Variants in GRM4 observed in about 807,000 individuals in gnomAD.
The protein encoded by GRM4 is metabotropic glutamate receptor 4.
Under a neutral mutation model 81.7 loss-of-function variants are expected in GRM4, and 28 were observed. The ratio of observed to expected loss-of-function variants is 0.34; its 90% CI spans 0.25 to 0.47. GRM4 has a LOEUF of 0.47. Ranked by LOEUF, GRM4 falls within the 20% of genes least tolerant of loss-of-function variation. The probability of loss-of-function intolerance (pLI) is 1.00; values close to 1 mark genes in which losing one functional copy is unlikely to be tolerated. For synonymous variants in GRM4, 488 were observed against 528.8 expected (o/e 0.92, Z 1.06); for missense variants, 948 against 1,290.0 (o/e 0.73, Z 4.06).
intron 3 of GRM4, among the ~76,000 whole-genome samples, chr6:34,065,531 C>T (rs1019371161): frequency 7.2e-5 from 11 of 152,194 alleles, no homozygotes; most frequent in African/African-American, 2.4e-4. Flanking sequence ...GGGAGGGGGA[C>T]ACACATGAAG....
intron 2 of GRM4, among the ~76,000 whole-genome samples, chr6:34,131,573 A>C (rs534493997): frequency 6.6e-6 from 1 of 151,848 alleles, no homozygotes; most frequent in Admixed American, 6.5e-5. Context: ...TGACAGCACA[A>C]CTCTGGCCTC....
chr6:34,144,688 A>G (rs1770849219), intron 1 of GRM4, among the ~76,000 whole-genome samples: 1 of 151,802 alleles, frequency 6.6e-6, no homozygotes, highest in African/African-American at 2.4e-5. Flanking sequence ...AAGAGGTGCA[A>G]ATAATGCCCC....
chr6:34,139,253 C>G (rs922930357), intron 1 of GRM4, among the ~76,000 whole-genome samples: 3 of 152,210 alleles, frequency 2.0e-5, no homozygotes, highest in Non-Finnish European at 4.4e-5. Flanking sequence ...TCTGCCAAAA[C>G]AACAGGGCCC....
chr6:34,106,656 T>A (rs1769141755), intron 2 of GRM4, among the ~76,000 whole-genome samples: 1 of 151,968 alleles, frequency 6.6e-6, no homozygotes, highest in Admixed American at 6.6e-5. Context: ...CACACACCAC[T>A]CCCTGCAACA....
rs527996820 is a variant in GRM4 at position 34,144,410 on chromosome 6, C to A, written c.-364+1590G>T. Among the ~76,000 whole-genome samples the A allele has an allele frequency of 8.5e-5, 13 of 152,340 alleles. No homozygotes were observed. In the South Asian group the frequency reaches 2.7e-3, roughly 32 times the overall value. On this transcript the variant is annotated intron_variant, in intron 1 of 10. Transcript: ENST00000538487. ...GACCACTGCCGGTCCGCTCGCCCGG[C>A]GGCCGCGTAGACGCGCAGGTTCATC... is the stretch of plus-strand genomic sequence containing the variant.
chr6:34,077,037 T>C (rs1581662950), intron 3 of GRM4, among the ~76,000 whole-genome samples: 1 of 149,552 alleles, frequency 6.7e-6, no homozygotes, highest in Non-Finnish European at 1.5e-5. Context: ...GGGGGAGGGG[T>C]GGGTAGCCTC....
At position 34,064,592 on chromosome 6, in the gene GRM4, G is replaced by A. The variant is rs1371521495; in HGVS notation, c.737-2564C>T. 6.6e-6 allele frequency among the ~76,000 whole-genome samples: 1 copy of A among 152,200 alleles called. No individual in the cohort carries two copies. Among genetic ancestry groups the A allele is most frequent in the Non-Finnish European group, 1.5e-5 (1 of 68,010 alleles). On this transcript the variant is annotated intron_variant, in intron 3 of 10. Transcript: ENST00000538487. This position sits in a 1 kb window ranked among gnomAD's most constrained non-coding sequence, Gnocchi z 4.4. ...CCCCAGGATGAGAAACCAAGTGCCCGTGGGTTCCCTCTGTTTCACAGCCCT... is the reference window on the plus strand; with the variant it reads ...CCCCAGGATGAGAAACCAAGTGCCCATGGGTTCCCTCTGTTTCACAGCCCT...
rs373106187 is a variant in GRM4 at position 34,111,264 on chromosome 6, C to T, written c.520-19165G>A. 6.6e-6 allele frequency among the ~76,000 whole-genome samples: 1 copy of T among 151,886 alleles called. No individual in the cohort carries two copies. Among genetic ancestry groups the T allele is most frequent in the Non-Finnish European group, 1.5e-5 (1 of 67,946 alleles). On this transcript the variant is annotated intron_variant, in intron 2 of 10. Coordinates refer to ENST00000538487, the MANE Select transcript of GRM4 (RefSeq NM_000841.4). The surrounding 1 kb of genome is among the most constrained non-coding windows in gnomAD (Gnocchi z 5.1). ...TCCCTAGACACCCCCACCCCACACA[C>T]ATTCAAGAGCAGCAGCTCACACAGG...
At chr6:34,094,139 A>C (rs1340006008) in intron 2 of GRM4, among the ~76,000 whole-genome samples, 1 of 152,222 alleles carries the variant, frequency 6.6e-6, no homozygotes, top group African/African-American at 2.4e-5. Flanking sequence ...AACAACAGCA[A>C]TAAGGAGGCA....
intron 2 of GRM4, among the ~76,000 whole-genome samples, chr6:34,112,266 T>TC (rs1315544345): frequency 4.6e-5 from 7 of 152,208 alleles, no homozygotes; most frequent in African/African-American, 1.7e-4. Context: ...TTTCCTCCTC[T>TC]CCCCCGCCCC....
At chr6:34,139,924 G>T (rs76689430) in intron 1 of GRM4, among the ~76,000 whole-genome samples, 1 of 152,208 alleles carries the variant, frequency 6.6e-6, no homozygotes, top group Non-Finnish European at 1.5e-5. Context: ...CTGGGTGGGC[G>T]CTGGGGAAAC....
At chr6:34,071,529 A>T (rs1437927780) in intron 3 of GRM4, among the ~76,000 whole-genome samples, 2 of 60,422 alleles carry the variant, frequency 3.3e-5, no homozygotes, top group Non-Finnish European at 7.1e-5. Flanking sequence ...ACACATCACC[A>T]CACGGATACA....
rs1241581959 is a variant in GRM4 at position 34,092,234 on chromosome 6, C to T, written c.520-135G>A. ...ACCACAGCCCACCCCTCCCCATGGG[C>T]GATGCCTCCTCCTCCAGAAAGTCTC... On this transcript the variant is annotated intron_variant, in intron 2 of 10. Coordinates refer to ENST00000538487, the MANE Select transcript of GRM4 (RefSeq NM_000841.4). This position sits in a 1 kb window ranked among gnomAD's most constrained non-coding sequence, Gnocchi z 6.8. The T allele has an allele frequency of 4.8e-6, 3 of 620,132 alleles. No homozygotes were observed. Among genetic ancestry groups the T allele is most frequent in the East Asian group, 2.8e-5 (1 of 36,188 alleles). The allele number at this position is 620,132 out of a possible 1,614,324, so 38.4% of individuals were successfully genotyped here.
In GRM4 at chr6:34,133,860, C is replaced by A. The variant is rs886313508; in HGVS notation, c.-363-1G>T. 7.6e-6 allele frequency: 8 copies of A among 1,056,608 alleles called. No individual in the cohort carries two copies. The African/African-American group carries it at 1.2e-4, about 15-fold the overall frequency. The allele number at this position is 1,056,608 out of a possible 1,614,324, so 65.5% of individuals were successfully genotyped here. On this transcript the variant is annotated splice_acceptor_variant, in intron 1 of 10. Coordinates refer to ENST00000538487, the MANE Select transcript of GRM4 (RefSeq NM_000841.4). LOFTEE classifies it low-confidence loss of function (5UTR_SPLICE). This position sits in a 1 kb window ranked among gnomAD's most constrained non-coding sequence, Gnocchi z 6.5. ...GCTCCAATCCTCTCCTCCTACCAACCTTAGAAGGGGAAGAGAGAGAGAGAA... is the reference window on the plus strand; with the variant it reads ...GCTCCAATCCTCTCCTCCTACCAACATTAGAAGGGGAAGAGAGAGAGAGAA...
chr6:34,137,135 G>A (rs1770491708), intron 1 of GRM4, among the ~76,000 whole-genome samples: 1 of 152,220 alleles, frequency 6.6e-6, no homozygotes. Flanking sequence ...TTCCCCAGGT[G>A]AAATCATCGG....
intron 3 of GRM4, among the ~76,000 whole-genome samples, chr6:34,082,378 A>T (rs1767648672): frequency 6.6e-6 from 1 of 152,238 alleles, no homozygotes; most frequent in Admixed American, 6.5e-5. Context: ...AACAAGACAC[A>T]CAGGAAGCCA....
intron 3 of GRM4, chr6:34,091,661 C>T (rs1002285538): frequency 4.1e-5 from 24 of 584,636 alleles, no homozygotes; most frequent in Middle Eastern, 9.2e-4. Flanking sequence ...TGCACACCCA[C>T]GTCTGCAAAG....
rs1269551309 is a variant in GRM4, at chr6:34,152,969, A to T, written c.312+2110T>A. Among the ~76,000 whole-genome samples, 3 of 152,080 alleles carry T rather than the reference A, an allele frequency of 2.0e-5. No individual in the cohort carries two copies. Among genetic ancestry groups the T allele is most frequent in the East Asian group, 3.9e-4 (2 of 5,178 alleles). On this transcript the variant is annotated intron_variant, in intron 1 of 8. Transcript: ENST00000374177. The surrounding 1 kb of genome is among the most constrained non-coding windows in gnomAD (Gnocchi z 4.1). Reference sequence around the variant, plus strand: ...CCTTGCTGCATGCCAGGTGCTCATCAGAGTCTCCACAACAGCCCTGTGATG... The same window carrying T: ...CCTTGCTGCATGCCAGGTGCTCATCTGAGTCTCCACAACAGCCCTGTGATG...
chr6:34,048,962 C>T lies in GRM4; in HGVS notation c.1168+7582G>A, dbSNP rs569155853. Among the ~76,000 whole-genome samples, 2 of 152,112 alleles carry T rather than the reference C, an allele frequency of 1.3e-5. No individual in the cohort carries two copies. Among genetic ancestry groups the T allele is most frequent in the African/African-American group, 4.8e-5 (2 of 41,386 alleles). ...AGTCTAAGGTAGTTCTTTATAGCAGCGTGAGAACAACTAACACACTAGGTC... is the reference window on the plus strand; with the variant it reads ...AGTCTAAGGTAGTTCTTTATAGCAGTGTGAGAACAACTAACACACTAGGTC... On this transcript the variant is annotated intron_variant, in intron 6 of 10. Coordinates refer to ENST00000538487, the MANE Select transcript of GRM4 (RefSeq NM_000841.4). The surrounding 1 kb of genome is among the most constrained non-coding windows in gnomAD (Gnocchi z 4.0).
Sources: gnomAD v4.1 joint callset for allele counts (sites outside exome capture counted in the v4.1 genomes callset) on GRCh38, gnomAD v4.1.1 for gene constraint, Gnocchi (gnomAD v3.1) non-coding constraint, MANE v1.5 for transcripts, NCBI Gene and HGNC (gene_info 2026-07-23, HGNC 2026-07-21) for gene names.